Variants in ZFHX4 observed in about 807,000 individuals in gnomAD.
The protein encoded by ZFHX4 is zinc finger homeobox 4, also known as zinc finger homeobox protein 4.
Under a neutral mutation model 267.6 loss-of-function variants are expected in ZFHX4, and 56 were observed. The ratio of observed to expected loss-of-function variants is 0.21; its 90% CI spans 0.17 to 0.26. The LOEUF is 0.26. Ranked by LOEUF, ZFHX4 falls within the 10% of genes least tolerant of loss-of-function variation. ZFHX4 has a pLI of 1.00. For missense variants in ZFHX4, 4,332 were observed against 4,420.0 expected (o/e 0.98, Z 0.56); for synonymous variants, 1,778 against 1,665.6 (o/e 1.07, Z -1.64).
At position 76,764,095 on chromosome 8, in the gene ZFHX4, T is replaced by G. The variant is rs536141536; in HGVS notation, c.3094-14113T>G. 5.3e-5 allele frequency among the ~76,000 whole-genome samples: 8 copies of G among 152,304 alleles called. No individual in the cohort carries two copies. In the South Asian group the frequency reaches 8.3e-4, roughly 16 times the overall value. ...GGGTCCTCTCTTAGCATTGGTCATC[T>G]CCTATATAAAAAGAATTTGGGATTA... On this transcript the variant is annotated intron_variant, in intron 3 of 10. Coordinates refer to ENST00000651372, the MANE Select transcript of ZFHX4 (RefSeq NM_024721.5).
chr8:76,833,548 C>G, intron 5 of ZFHX4, 142 bp downstream of exon 5: 3 of 609,618 alleles, frequency 4.9e-6, no homozygotes, highest in Non-Finnish European at 8.4e-6. Context: ...AAGTAAAAAG[C>G]AAAATGAAAT....
At chr8:76,859,175 CA>C (rs922509559) in intron 10 of ZFHX4, among the ~76,000 whole-genome samples, 14 of 152,248 alleles carry the variant, frequency 9.2e-5, no homozygotes, top group African/African-American at 2.6e-4. Flanking sequence ...TTAATGCTCA[CA>C]AAACTTTCTT....
chr8:76,853,284 C>T lies in ZFHX4; in HGVS notation c.6363C>T (p.Pro2121=), dbSNP rs1284173868. 6.2e-7 allele frequency: 1 copy of T among 1,606,380 alleles called. No individual in the cohort carries two copies. The highest frequency in any genetic ancestry group is 1.7e-5 in the Admixed American group (1 of 58,714). The part of the protein sequence containing the change: ...QLCQQQLGLD[P]NFLRHSQFKR... The stretch of plus-strand genomic sequence containing the variant: ...GCCAGCAGCAGCTCGGATTAGATCC[C>T]AACTTCTTAAGACATTCTCAGTTCA... The change falls in exon 10 of 11, where the codon CCC becomes CCT. Residue 2121 remains proline, a synonymous_variant. Transcript: ENST00000651372.
intron 6 of ZFHX4, among the ~76,000 whole-genome samples, chr8:76,843,643 C>G (rs1812294340): frequency 6.6e-6 from 1 of 152,094 alleles, no homozygotes; most frequent in Non-Finnish European, 1.5e-5. Context: ...TTATGTTGGA[C>G]TCATTGAAGC....
rs567200382 is a variant in ZFHX4 at position 76,815,748 on chromosome 8, G to A, written c.3326-17590G>A. Among the ~76,000 whole-genome samples the A allele has an allele frequency of 3.3e-5, 5 of 152,018 alleles. No individual in the cohort carries two copies. In the South Asian group the frequency reaches 8.3e-4, roughly 25 times the overall value. ...ACTACTGGGCTCCAGAAATTCTCCC[G>A]CCTTGGTCTCCCAAAGTGCTGAGAT... is the stretch of plus-strand genomic sequence containing the variant. On this transcript the variant is annotated intron_variant, in intron 4 of 10. Coordinates refer to ENST00000651372, the MANE Select transcript of ZFHX4 (RefSeq NM_024721.5).
chr8:76,820,585 T>C (rs1385233742), intron 4 of ZFHX4, among the ~76,000 whole-genome samples: 1 of 152,192 alleles, frequency 6.6e-6, no homozygotes, highest in Non-Finnish European at 1.5e-5. Context: ...CTTTTAATGA[T>C]CTTGTGCCAA....
intron 7 of ZFHX4, 114 bp downstream of exon 7, chr8:76,849,242 G>C: frequency 1.6e-6 from 2 of 1,225,582 alleles, no homozygotes; most frequent in Non-Finnish European, 2.2e-6. Flanking sequence ...ATTGCAATTG[G>C]CAATGTAACT....
intron 1 of ZFHX4, among the ~76,000 whole-genome samples, chr8:76,682,267 T>G (rs75160999): frequency 0.042 from 6,372 of 152,136 alleles, 430 homozygotes; most frequent in African/African-American, 0.14. Context: ...TTCAGCCTCG[T>G]TTTTCTTCCT....
intron 3 of ZFHX4, among the ~76,000 whole-genome samples, chr8:76,732,240 A>C (rs900337530): frequency 6.6e-6 from 1 of 152,118 alleles, no homozygotes; most frequent in African/African-American, 2.4e-5. Context: ...TGAGTTGAAT[A>C]TCTTCATCAG....
chr8:76,795,496 T>C (rs980228469), intron 4 of ZFHX4, among the ~76,000 whole-genome samples: 5 of 151,876 alleles, frequency 3.3e-5, no homozygotes, highest in Non-Finnish European at 7.4e-5. Context: ...GCTGAAGCCA[T>C]GTAAATTTTA....
At position 76,833,410 on chromosome 8, in the gene ZFHX4, A is replaced by G; in HGVS notation, c.3394+4A>G. On this transcript the variant is annotated splice_donor_region_variant and intron_variant, in intron 5 of 10. Transcript: ENST00000651372. The stretch of plus-strand genomic sequence containing the variant: ...CAGCAGTTGAGATCGACCTCAGGTA[A>G]TGGTTCCTACTCCTTCTCAAAATAT... The G allele has an allele frequency of 1.2e-6, 2 of 1,601,244 alleles. No individual in the cohort carries two copies. Among genetic ancestry groups the G allele is most frequent in the Non-Finnish European group, 1.7e-6 (2 of 1,172,746 alleles).
chr8:76,798,755 A>G lies in ZFHX4; in HGVS notation c.3325+20316A>G, dbSNP rs75366217. On this transcript the variant is annotated intron_variant, in intron 4 of 10. Coordinates refer to ENST00000651372, the MANE Select transcript of ZFHX4 (RefSeq NM_024721.5). ...AGGAAGCATTATTGCTAGCGGAGGTATAATTTGACTACTTCCCATCTAAGA... is the reference window on the plus strand; with the variant it reads ...AGGAAGCATTATTGCTAGCGGAGGTGTAATTTGACTACTTCCCATCTAAGA... Among the ~76,000 whole-genome samples the G allele has an allele frequency of 7.4e-3, 1,121 of 152,324 alleles. 19 individuals are homozygous for G. The highest frequency in any genetic ancestry group is 0.024 in the African/African-American group (983 of 41,584).
rs1808333645 is a variant in ZFHX4, at chr8:76,708,265, G to A, written c.3093+217G>A. Reference sequence around the variant, plus strand: ...TTTACCCTATGTCTCACTTACACCTGTCTCAGTGGCATTTATTTCTTCACT... The same window carrying A: ...TTTACCCTATGTCTCACTTACACCTATCTCAGTGGCATTTATTTCTTCACT... On this transcript the variant is annotated intron_variant, in intron 3 of 10. Coordinates refer to ENST00000651372, the MANE Select transcript of ZFHX4 (RefSeq NM_024721.5). The A allele has an allele frequency of 5.2e-6, 3 of 581,336 alleles. No homozygotes were observed. The African/African-American group carries it at 5.6e-5, about 11-fold the overall frequency. The allele number at this position is 581,336 out of a possible 1,614,324, so 36.0% of individuals were successfully genotyped here.
chr8:76,706,595 T>C lies in ZFHX4; in HGVS notation c.2507T>C (p.Leu836Pro). The change falls in exon 2 of 11, where the codon CTG (leucine) becomes CCG (proline). Residue 836 changes from leucine to proline, a missense_variant. Coordinates refer to ENST00000651372, the MANE Select transcript of ZFHX4 (RefSeq NM_024721.5). ...AACATAGGCCTGACCGGAATGAAGCTGGAAAACCCTGCCGACCCTCAGCTG... is the reference window on the plus strand; with the variant it reads ...AACATAGGCCTGACCGGAATGAAGCCGGAAAACCCTGCCGACCCTCAGCTG... The part of the protein sequence containing the change: ...AQNIGLTGMK[L>P]ENPADPQLMI... 6.2e-7 allele frequency: 1 copy of C among 1,609,558 alleles called. No individual in the cohort carries two copies. Among genetic ancestry groups the C allele is most frequent in the Non-Finnish European group, 8.5e-7 (1 of 1,178,208 alleles).
At chr8:76,723,245 A>G (rs1430784445) in intron 3 of ZFHX4, among the ~76,000 whole-genome samples, 1 of 151,982 alleles carries the variant, frequency 6.6e-6, no homozygotes, top group Admixed American at 6.6e-5. Context: ...TGCCTTTGGT[A>G]TGATACAACA....
intron 4 of ZFHX4, among the ~76,000 whole-genome samples, chr8:76,797,535 A>G (rs1305470903): frequency 6.6e-6 from 1 of 152,188 alleles, no homozygotes; most frequent in African/African-American, 2.4e-5. Context: ...GTGTTTGAGT[A>G]GTATATTTTC....
intron 4 of ZFHX4, among the ~76,000 whole-genome samples, chr8:76,806,520 A>AT (rs1429955983): frequency 2.6e-5 from 4 of 152,120 alleles, no homozygotes; most frequent in Admixed American, 1.3e-4. Context: ...ATGATAATTT[A>AT]TTTTATCGGA....
intron 4 of ZFHX4, among the ~76,000 whole-genome samples, chr8:76,794,319 C>T (rs982655704): frequency 1.3e-5 from 2 of 152,018 alleles, no homozygotes; most frequent in African/African-American, 2.4e-5. Context: ...AAATGGACAA[C>T]GAGGTTTTTG....
chr8:76,856,154 T>G lies in ZFHX4; in HGVS notation c.9233T>G (p.Val3078Gly), dbSNP rs16939380. Residue 3078 changes from valine (V) to glycine (G), a missense_variant, in exon 10 of 11, where the codon GTA becomes GGA. Transcript: ENST00000651372. The part of the protein sequence containing the change: ...KKASDVLGLT[V>G]QQPGMMDSSS... ...GCTTCAGACGTGCTGGGCTTGACGGTACAGCAGCCAGGCATGATGGACAGC... is the reference window on the plus strand; with the variant it reads ...GCTTCAGACGTGCTGGGCTTGACGGGACAGCAGCCAGGCATGATGGACAGC... 0.041 allele frequency: 65,746 copies of G among 1,613,944 alleles called. 2,779 individuals are homozygous for G. Among genetic ancestry groups the G allele is most frequent in the Admixed American group, 0.19 (11,283 of 60,018 alleles).
Sources: allele counts gnomAD v4.1 joint callset (sites outside exome capture counted in the v4.1 genomes callset), GRCh38; gene constraint gnomAD v4.1.1; transcripts MANE v1.5; gene names NCBI Gene and HGNC (gene_info 2026-07-23, HGNC 2026-07-21).